GIGYF2: variants seen among roughly 807,000 people sequenced by gnomAD.
GIGYF2 encodes the protein GRB10 interacting GYF protein 2.
A neutral mutation model predicts 208.1 loss-of-function variants in GIGYF2; 25 were observed. That is an observed-to-expected ratio of 0.12 (90% confidence interval 0.09 to 0.17). The LOEUF is 0.17. Ranked by LOEUF, GIGYF2 falls within the 10% of genes least tolerant of loss-of-function variation. The pLI is 1.00. For missense variants in GIGYF2, 1,302 were observed against 1,579.4 expected (o/e 0.82, Z 2.98); for synonymous variants, 534 against 543.8 (o/e 0.98, Z 0.25).
intron 25 of GIGYF2, 93 bp from the exon 26 acceptor site, chr2:232,845,639 C>A: frequency 9.2e-7 from 1 of 1,089,350 alleles, no homozygotes. Flanking sequence ...GGGCATCCAT[C>A]CAGTATTGCC....
chr2:232,770,699 T>A (rs1315817440), intron 8 of GIGYF2, among the ~76,000 whole-genome samples: 4 of 151,208 alleles, frequency 2.6e-5, no homozygotes, highest in African/African-American at 9.7e-5. Flanking sequence ...AATTTTGGCA[T>A]TGAGACAGGT....
chr2:232,708,654 G>GAGAATCTCCAT (rs1696242287), intron 2 of GIGYF2, among the ~76,000 whole-genome samples: 1 of 143,572 alleles, frequency 7.0e-6, no homozygotes, highest in Non-Finnish European at 1.5e-5. Context: ...GGGCAACATG[G>GAGAATCTCCAT]CAAAACCTCA....
chr2:232,734,874 G>A (rs1440386101), intron 2 of GIGYF2, among the ~76,000 whole-genome samples: 1 of 152,166 alleles, frequency 6.6e-6, no homozygotes, highest in Non-Finnish European at 1.5e-5. Context: ...AGTCTCCAAT[G>A]CCCTGTGTGG....
chr2:232,776,541 A>G (rs1699522738), intron 8 of GIGYF2: 1 of 888,626 alleles, frequency 1.1e-6, no homozygotes, highest in Non-Finnish European at 1.9e-6. Context: ...CTACAAGTCT[A>G]GTTTGTAGGT....
At chr2:232,779,225 G>A (rs1699629202) in intron 8 of GIGYF2, among the ~76,000 whole-genome samples, 1 of 152,094 alleles carries the variant, frequency 6.6e-6, no homozygotes, top group South Asian at 2.1e-4. Context: ...CATTTCTTCG[G>A]TGAATGAACA....
At chr2:232,705,224 A>G (rs1403509716) in intron 2 of GIGYF2, among the ~76,000 whole-genome samples, 1 of 152,106 alleles carries the variant, frequency 6.6e-6, no homozygotes, top group Non-Finnish European at 1.5e-5. Context: ...TAGAATTCGC[A>G]GGGTCCAACT....
intron 2 of GIGYF2, among the ~76,000 whole-genome samples, chr2:232,704,849 C>G (rs113941352): frequency 0.026 from 3,417 of 130,146 alleles, 149 homozygotes; most frequent in African/African-American, 0.091. Context: ...TAAATTTTAA[C>G]TTCTGGATTT....
In GIGYF2 at chr2:232,847,486, C is replaced by T; in HGVS notation, c.3599C>T (p.Ala1200Val). 1 of 1,608,854 alleles carries T rather than the reference C, an allele frequency of 6.2e-7. No individual in the cohort carries two copies. ...QFLERRAKQK[A>V]NQQRQQQQLP... Reference sequence around the variant, plus strand: ...CTTGAGCGCCGTGCCAAACAGAAAGCCAACCAGCAGCGTCAGCAGCAGCAG... The same window carrying T: ...CTTGAGCGCCGTGCCAAACAGAAAGTCAACCAGCAGCGTCAGCAGCAGCAG... The change falls in exon 27 of 29, where the codon GCC (alanine) becomes GTC (valine). Residue 1200 changes from alanine (A) to valine (V), a missense_variant. Ala to Val is a moderately conservative substitution (Grantham distance 64). Coordinates refer to ENST00000373563, the MANE Select transcript of GIGYF2 (RefSeq NM_001103146.3).
At chr2:232,816,303 T>G (rs1700909615) in intron 19 of GIGYF2, among the ~76,000 whole-genome samples, 1 of 152,230 alleles carries the variant, frequency 6.6e-6, no homozygotes, top group Admixed American at 6.5e-5. Context: ...TTCTCAGGCG[T>G]ACAAGAGAGT....
intron 2 of GIGYF2, among the ~76,000 whole-genome samples, chr2:232,721,710 A>G (rs972035529): frequency 3.9e-5 from 6 of 152,188 alleles, no homozygotes; most frequent in African/African-American, 1.4e-4. Flanking sequence ...TCTGAAGTTC[A>G]TGCTGTTTGA....
At chr2:232,807,411 G>A (rs1700592483) in intron 15 of GIGYF2, among the ~76,000 whole-genome samples, 1 of 152,168 alleles carries the variant, frequency 6.6e-6, no homozygotes, top group South Asian at 2.1e-4. Context: ...GGGTATGGTG[G>A]CAATCAGTGG....
intron 6 of GIGYF2, among the ~76,000 whole-genome samples, chr2:232,757,010 A>G (rs1429079816): frequency 6.6e-6 from 1 of 152,216 alleles, no homozygotes; most frequent in East Asian, 1.9e-4. Flanking sequence ...AAATCATAAC[A>G]GTGGTCTAAA....
intron 18 of GIGYF2, among the ~76,000 whole-genome samples, chr2:232,813,006 A>G (rs897071220): frequency 9.2e-5 from 14 of 152,052 alleles, no homozygotes; most frequent in South Asian, 2.1e-4. Flanking sequence ...AAGAAAGAAA[A>G]AAAAAAAAAG....
chr2:232,820,009 A>G, intron 21 of GIGYF2, 24 bp downstream of exon 21: 6 of 1,612,750 alleles, frequency 3.7e-6, no homozygotes, highest in Non-Finnish European at 5.1e-6. Context: ...TTTGTCTTCT[A>G]ATTGTTCCTT....
Position 232,832,929 on chromosome 2 carries a change from A to T in GIGYF2, c.2602A>T (p.Met868Leu). Residue 868 changes from methionine to leucine, a missense_variant, in exon 22 of 29, where the codon ATG becomes TTG. Physicochemically the swap from Met to Leu is conservative, Grantham distance 15. Transcript: ENST00000373563. The stretch of plus-strand genomic sequence containing the variant: ...TCGATTAGAGGAGAACCGGCTGCGG[A>T]TGGAAGAGGAGGCAGCCAGACTCCG... ...QRRLEENRLR[M>L]EEEAARLRHE... 1.9e-6 allele frequency: 3 copies of T among 1,566,464 alleles called. No homozygotes were observed. Among genetic ancestry groups the T allele is most frequent in the Non-Finnish European group, 2.6e-6 (3 of 1,155,528 alleles).
intron 2 of GIGYF2, among the ~76,000 whole-genome samples, chr2:232,714,235 G>A (rs1246751002): frequency 6.6e-6 from 1 of 152,176 alleles, no homozygotes; most frequent in Non-Finnish European, 1.5e-5. Context: ...ACAGGCGTGA[G>A]CCACCATGCC....
intron 28 of GIGYF2, among the ~76,000 whole-genome samples, chr2:232,853,608 T>C (rs1690442165): frequency 6.6e-6 from 1 of 152,182 alleles, no homozygotes; most frequent in Admixed American, 6.5e-5. Context: ...CAGGTGGTCA[T>C]TGTGAATCAG....
intron 2 of GIGYF2, among the ~76,000 whole-genome samples, chr2:232,734,042 T>C (rs1697621704): frequency 6.6e-6 from 1 of 151,754 alleles, no homozygotes; most frequent in South Asian, 2.1e-4. Flanking sequence ...TTCATTAGTT[T>C]ATTATTTTAA....
chr2:232,785,842 CTGT>C (rs1179482677), intron 8 of GIGYF2, among the ~76,000 whole-genome samples: 4 of 152,168 alleles, frequency 2.6e-5, no homozygotes, highest in South Asian at 2.1e-4. Context: ...TTTTCATATG[CTGT>C]TGTTCAATTA....
Sources: gnomAD v4.1 joint callset for allele counts (sites outside exome capture counted in the v4.1 genomes callset) on GRCh38, gnomAD v4.1.1 for gene constraint, MANE v1.5 for transcripts, NCBI Gene and HGNC (gene_info 2026-07-23, HGNC 2026-07-21) for gene names.